The following ATF1 variants were observed in gnomAD, a reference collection of about 807,000 sequenced individuals.
The protein encoded by ATF1 is cyclic AMP-dependent transcription factor ATF-1.
In ATF1, 16 loss-of-function variants were observed where a neutral mutation model predicts 34.7. The ratio of observed to expected loss-of-function variants is 0.46; its 90% CI spans 0.31 to 0.70. The LOEUF (loss-of-function observed/expected upper bound fraction) is 0.70. Among genes scored for constraint, ATF1 ranks in the 30% least tolerant of loss-of-function variants. The pLI, the probability that ATF1 is intolerant of heterozygous loss-of-function variation, is 0.05. For missense variants in ATF1, 255 were observed against 321.6 expected, an observed-to-expected ratio of 0.79 and a Z score of 1.58; for synonymous variants, 105 against 113.1, an observed-to-expected ratio of 0.93 and a Z score of 0.46.
intron 1 of ATF1, among the ~76,000 whole-genome samples, chr12:50,772,684 C>T (rs1940805803): frequency 6.6e-6 from 1 of 151,388 alleles, no homozygotes; most frequent in Admixed American, 6.6e-5. Flanking sequence ...TTTTCTCTCT[C>T]TCTCTCTCTC....
chr12:50,813,927 T>C, intron 4 of ATF1, 83 bp from the exon 5 acceptor site: 3 of 1,359,050 alleles, frequency 2.2e-6, no homozygotes, highest in Non-Finnish European at 3.0e-6. Context: ...TTTTAGTAAA[T>C]AGTGTTTGTG....
At chr12:50,818,241 A>AC (rs1436948792) in intron 6 of ATF1, among the ~76,000 whole-genome samples, 1 of 151,922 alleles carries the variant, frequency 6.6e-6, no homozygotes, top group South Asian at 2.1e-4. Flanking sequence ...ACATACTGAG[A>AC]CCTCATCTCT....
intron 6 of ATF1, 34 bp downstream of exon 6, chr12:50,814,473 A>G (rs750484770): frequency 6.3e-7 from 1 of 1,592,502 alleles, no homozygotes; most frequent in Non-Finnish European, 8.6e-7. Flanking sequence ...AGAATGGGTA[A>G]TGTTTTTACA....
chr12:50,809,038 CGATTATTATAACTTTTACCTGAGA>C, intron 3 of ATF1, among the ~76,000 whole-genome samples: 1 of 151,986 alleles, frequency 6.6e-6, no homozygotes, highest in South Asian at 2.1e-4. Context: ...ATGACTGGCC[CGATTATTATAACTTTTACCTGAGA>C]TTGAAAAAGT....
chr12:50,797,546 A>C (rs187839542), intron 3 of ATF1, among the ~76,000 whole-genome samples: 10 of 152,268 alleles, frequency 6.6e-5, no homozygotes, highest in Admixed American at 6.5e-4. Flanking sequence ...TGGTGTGATC[A>C]CAGCTCACTG....
intron 1 of ATF1, among the ~76,000 whole-genome samples, chr12:50,778,048 C>G (rs1031430310): frequency 6.6e-6 from 1 of 150,994 alleles, no homozygotes; most frequent in Admixed American, 6.6e-5. Context: ...TCCTGAGTAG[C>G]TGAGACTACA....
At chr12:50,815,334 T>C (rs976079020) in intron 6 of ATF1, among the ~76,000 whole-genome samples, 1 of 152,096 alleles carries the variant, frequency 6.6e-6, no homozygotes, top group Non-Finnish European at 1.5e-5. Context: ...TTGGTGTTGG[T>C]GTCTTAATTT....
intron 4 of ATF1, among the ~76,000 whole-genome samples, chr12:50,810,278 C>T (rs1941708579): frequency 1.3e-5 from 2 of 149,408 alleles, no homozygotes; most frequent in South Asian, 4.3e-4. Context: ...AGTGCAGTGC[C>T]ATGATCTCGG....
intron 3 of ATF1, among the ~76,000 whole-genome samples, chr12:50,807,999 G>A (rs1463559980): frequency 1.3e-5 from 2 of 151,944 alleles, no homozygotes; most frequent in Non-Finnish European, 2.9e-5. Context: ...TAGTAGAGAT[G>A]GGGTTTTGCC....
chr12:50,813,643 G>A (rs1450866998), intron 4 of ATF1, among the ~76,000 whole-genome samples: 1 of 151,828 alleles, frequency 6.6e-6, no homozygotes, highest in Non-Finnish European at 1.5e-5. Context: ...GAGAAGCTCC[G>A]TCTCTACTAA....
chr12:50,782,574 T>TA (rs1941091345), intron 2 of ATF1, among the ~76,000 whole-genome samples: 1 of 148,468 alleles, frequency 6.7e-6, no homozygotes, highest in Non-Finnish European at 1.5e-5. Flanking sequence ...TTTTTTTTTT[T>TA]AGTAGAGACA....
In ATF1 at chr12:50,780,136, A is replaced by G. The variant is rs373721915; in HGVS notation, c.-6-4A>G. On this transcript the variant is annotated splice_polypyrimidine_tract_variant and splice_region_variant and intron_variant, in intron 1 of 6. Coordinates refer to ENST00000262053, the MANE Select transcript of ATF1 (RefSeq NM_005171.5). Reference sequence around the variant, plus strand: ...ATTTTAACGGACTTTTTTCCCCCTTATAGTTGATTATGGAAGATTCCCACA... The same window carrying G: ...ATTTTAACGGACTTTTTTCCCCCTTGTAGTTGATTATGGAAGATTCCCACA... The G allele has an allele frequency of 6.3e-7, 1 of 1,599,762 alleles. No homozygotes were observed.
At chr12:50,788,465 C>T (rs1434193138) in intron 2 of ATF1, 3 of 240,484 alleles carry the variant, frequency 1.2e-5, no homozygotes, top group African/African-American at 4.8e-5. Context: ...TGCTGGTATG[C>T]GTGAGCCACT....
chr12:50,782,239 TTTTGTTTGTTTGTTTA>T (rs1430183086), intron 2 of ATF1, among the ~76,000 whole-genome samples: 1 of 139,650 alleles, frequency 7.2e-6, no homozygotes, highest in Non-Finnish European at 1.7e-5. Context: ...TTTCTGTTTT[TTTTGTTTGTTTGTTTA>T]TTTGTTTGTT....
At chr12:50,764,790 C>T (rs1160548030) in intron 1 of ATF1, 3 of 152,390 alleles carry the variant, frequency 2.0e-5, no homozygotes, top group Admixed American at 2.0e-4. Flanking sequence ...AGGCGCGCCC[C>T]TTACCCTCCT....
chr12:50,792,612 A>G (rs941911744), intron 2 of ATF1, among the ~76,000 whole-genome samples: 3 of 143,438 alleles, frequency 2.1e-5, no homozygotes, highest in Non-Finnish European at 3.1e-5. Context: ...CCTATAATAT[A>G]TAAACCAAGA....
chr12:50,790,328 C>T (rs770057510), intron 2 of ATF1, among the ~76,000 whole-genome samples: 3 of 151,954 alleles, frequency 2.0e-5, no homozygotes, highest in Non-Finnish European at 2.9e-5. Context: ...GCTTAGCCTC[C>T]CACATAGCTG....
intron 3 of ATF1, among the ~76,000 whole-genome samples, chr12:50,797,030 C>T (rs545099534): frequency 1.8e-4 from 27 of 152,238 alleles, no homozygotes; most frequent in African/African-American, 5.8e-4. Flanking sequence ...GGTTAATACC[C>T]GTAACTGAAG....
intron 2 of ATF1, among the ~76,000 whole-genome samples, chr12:50,783,840 C>G (rs989108085): frequency 2.1e-5 from 3 of 141,986 alleles, no homozygotes; most frequent in African/African-American, 8.0e-5. Flanking sequence ...GTACTCCAGA[C>G]TGGGCGACAG....
Sources: gnomAD v4.1 joint callset for allele counts (sites outside exome capture counted in the v4.1 genomes callset) on GRCh38, gnomAD v4.1.1 for gene constraint, MANE v1.5 for transcripts, NCBI Gene and HGNC (gene_info 2026-07-23, HGNC 2026-07-21) for gene names.